Variants in LTF observed in about 807,000 individuals in gnomAD.
The protein encoded by LTF is epididymis luminal protein 110.
LTF carries 91 observed loss-of-function variants against 87.2 expected under a neutral mutation model. The ratio of observed to expected loss-of-function variants is 1.04; its 90% confidence interval spans 0.88 to 1.24. The LOEUF (loss-of-function observed/expected upper bound fraction) is 1.24, where lower values mean the gene tolerates loss of function less well. Ranked by LOEUF, LTF falls within the 50% of genes most tolerant of loss-of-function variation. The pLI is 0.00. For missense variants in LTF, 901 were observed against 904.3 expected, an observed-to-expected ratio of 1.00 and a Z score of 0.05; for synonymous variants, 378 against 356.1, an observed-to-expected ratio of 1.06 and a Z score of -0.69.
chr3:46,446,265 A>T (rs1702651362), intron 11 of LTF, among the ~76,000 whole-genome samples, 175 bp downstream of exon 11: 1 of 152,078 alleles, frequency 6.6e-6, no homozygotes, highest in South Asian at 2.1e-4. Flanking sequence ...GTCAATATAA[A>T]CATTAATTAG....
intron 12 of LTF, among the ~76,000 whole-genome samples, chr3:46,444,379 G>C (rs932578127): frequency 2.0e-5 from 3 of 152,218 alleles, no homozygotes; most frequent in African/African-American, 7.2e-5. Context: ...GGAGTTTTCT[G>C]TTCCTTGCAG....
In LTF at chr3:46,464,880, G is replaced by T; in HGVS notation, c.-13C>A. On this transcript the variant is annotated 5_prime_UTR_variant, in exon 1 of 17. Coordinates refer to ENST00000231751, the MANE Select transcript of LTF (RefSeq NM_002343.6). ...AGACAAGTTTCATGTCTGCGGTCTGGAGGCGACTTGGCAAACGAAGGCTCT... is the reference window on the plus strand; with the variant it reads ...AGACAAGTTTCATGTCTGCGGTCTGTAGGCGACTTGGCAAACGAAGGCTCT... The T allele has an allele frequency of 6.2e-7, 1 of 1,613,998 alleles. No homozygotes were observed. Among genetic ancestry groups the T allele is most frequent in the Non-Finnish European group, 8.5e-7 (1 of 1,179,984 alleles).
intron 1 of LTF, among the ~76,000 whole-genome samples, chr3:46,463,128 G>A (rs1252646970): frequency 1.3e-5 from 2 of 152,148 alleles, no homozygotes; most frequent in Non-Finnish European, 2.9e-5. Context: ...AGCAGGTCTA[G>A]GTCTGGCCCC....
intron 10 of LTF, among the ~76,000 whole-genome samples, chr3:46,447,042 T>C (rs1175040327): frequency 3.3e-5 from 5 of 152,058 alleles, no homozygotes; most frequent in Non-Finnish European, 5.9e-5. Context: ...AGTTGTACAT[T>C]TATGTGCACT....
At chr3:46,454,577 T>C (rs913045930) in intron 5 of LTF, among the ~76,000 whole-genome samples, 5 of 152,202 alleles carry the variant, frequency 3.3e-5, no homozygotes, top group Non-Finnish European at 1.5e-5. Context: ...ATCTTCTGCT[T>C]TGAGGGCTAA....
At chr3:46,461,399 C>T (rs1703077677) in intron 1 of LTF, among the ~76,000 whole-genome samples, 1 of 152,200 alleles carries the variant, frequency 6.6e-6, no homozygotes, top group African/African-American at 2.4e-5. Context: ...AAACTGGAAA[C>T]AACCTAAATG....
chr3:46,463,880 G>A (rs1416296133), intron 1 of LTF, among the ~76,000 whole-genome samples: 3 of 152,218 alleles, frequency 2.0e-5, no homozygotes, highest in Admixed American at 2.0e-4. Flanking sequence ...AGAAGGGCAG[G>A]GACAAGGATG....
rs1272249210 is a variant in LTF, at chr3:46,450,030, T to G, written c.883-2A>C. On this transcript the variant is annotated splice_acceptor_variant, in intron 7 of 16. Coordinates refer to ENST00000231751, the MANE Select transcript of LTF (RefSeq NM_002343.6). LOFTEE classifies it high-confidence loss of function. The stretch of plus-strand genomic sequence containing the variant: ...TGACTTGTCCTTTCCAAACTTTTCC[T>G]AATTAAGAAAAAATAGAATTATGGT... 1.3e-5 allele frequency: 21 copies of G among 1,575,192 alleles called. No individual in the cohort carries two copies. The highest frequency in any genetic ancestry group is 1.7e-5 in the Non-Finnish European group (20 of 1,164,328).
At chr3:46,442,817 C>T (rs1702554894) in intron 13 of LTF, among the ~76,000 whole-genome samples, 1 of 152,180 alleles carries the variant, frequency 6.6e-6, no homozygotes, top group South Asian at 2.1e-4. Flanking sequence ...AGGGGAAGAT[C>T]CTCTCTGCAC....
intron 14 of LTF, 26 bp from the exon 15 acceptor site, chr3:46,439,506 A>C (rs1185825132): frequency 1.2e-5 from 19 of 1,576,714 alleles, no homozygotes; most frequent in Non-Finnish European, 1.6e-5. Flanking sequence ...AGGTGGCATC[A>C]TCCACGCCTC....
At chr3:46,470,434 G>C (rs1703267964) in exon 2 of LTF, 1 of 152,392 alleles carries the variant, frequency 6.6e-6, no homozygotes, top group Non-Finnish European at 1.5e-5. Context: ...AGGCTTCACT[G>C]TGCTGGAGGC....
At position 46,439,468 on chromosome 3, in the gene LTF, T is replaced by C; in HGVS notation, c.1736A>G (p.Glu579Gly). ...CAGCTTCAAATCCTTAGCCCATGCC[T>C]CATTGTTATTTCCTGGGGAGAAAAA... ...VLQNTDGNNN[E>G]AWAKDLKLAD... The change falls in exon 15 of 17, where the codon GAG becomes GGG. Residue 579 changes from glutamate to glycine, a missense_variant. Glu to Gly is a moderately conservative substitution (Grantham distance 98, BLOSUM62 -2). Coordinates refer to ENST00000231751, the MANE Select transcript of LTF (RefSeq NM_002343.6). The C allele has an allele frequency of 6.2e-7, 1 of 1,604,620 alleles. No individual in the cohort carries two copies. The highest frequency in any genetic ancestry group is 8.5e-7 in the Non-Finnish European group (1 of 1,175,316).
chr3:46,435,845 C>A lies in LTF; in HGVS notation c.*350G>T. Reference sequence around the variant, plus strand: ...TCCCCTTAGGAAAACCGGTGCTTGGCCTGGCCTTAAATTCCAGACCCTTGG... The same window carrying A: ...TCCCCTTAGGAAAACCGGTGCTTGGACTGGCCTTAAATTCCAGACCCTTGG... On this transcript the variant is annotated 3_prime_UTR_variant, in exon 17 of 17. Transcript: ENST00000231751. 1 of 312,202 alleles carries A rather than the reference C, an allele frequency of 3.2e-6. No homozygotes were observed. Among genetic ancestry groups the A allele is most frequent in the Non-Finnish European group, 6.0e-6 (1 of 165,626 alleles). The allele number at this position is 312,202 out of a possible 1,614,324, so 19.3% of individuals were successfully genotyped here.
chr3:46,446,132 G>A (rs1407906020), intron 11 of LTF, among the ~76,000 whole-genome samples: 1 of 152,082 alleles, frequency 6.6e-6, no homozygotes, highest in Non-Finnish European at 1.5e-5. Context: ...GTGAGATCCT[G>A]GGCACTTGGG....
rs375439093 is a variant in LTF at position 46,471,651 on chromosome 3, C to T, written c.-319-1185G>A. On this transcript the variant is annotated intron_variant, in intron 1 of 19. Transcript: ENST00000443496. ...AGAAAGGAGCAGGGAGCGGGCCACC[C>T]GATGGCCCCTACCTCGCCCTGTGTA... is the stretch of plus-strand genomic sequence containing the variant. Among the ~76,000 whole-genome samples, 11 of 152,182 alleles carry T rather than the reference C, an allele frequency of 7.2e-5. No homozygotes were observed. The East Asian group carries it at 1.7e-3, about 24-fold the overall frequency.
rs1039219341 is a variant in LTF at position 46,464,874 on chromosome 3, G to A, written c.-7C>T. On this transcript the variant is annotated 5_prime_UTR_variant, in exon 1 of 17. Transcript: ENST00000231751. ...CGAGGAAGACAAGTTTCATGTCTGCGGTCTGGAGGCGACTTGGCAAACGAA... is the reference window on the plus strand; with the variant it reads ...CGAGGAAGACAAGTTTCATGTCTGCAGTCTGGAGGCGACTTGGCAAACGAA... The A allele has an allele frequency of 3.1e-6, 5 of 1,613,838 alleles. No homozygotes were observed. Among genetic ancestry groups the A allele is most frequent in the Non-Finnish European group, 4.2e-6 (5 of 1,179,976 alleles).
At chr3:46,464,770 CA>C in intron 1 of LTF, 54 bp downstream of exon 1, 3 of 1,593,516 alleles carry the variant, frequency 1.9e-6, no homozygotes. Context: ...GCCTAGCAGA[CA>C]GGGCGCAGGA....
rs1438818678 is a variant in LTF, at chr3:46,461,100, C to T, written c.44-1281G>A. On this transcript the variant is annotated intron_variant, in intron 1 of 16. Transcript: ENST00000231751. ...TCAAAAATGCAAATTGAAAATGCAA[C>T]GAAATATCATTTCACAGCCACTGAA... 6.6e-5 allele frequency among the ~76,000 whole-genome samples: 10 copies of T among 152,098 alleles called. No homozygotes were observed. The South Asian group carries it at 1.5e-3, about 22-fold the overall frequency.
intron 9 of LTF, among the ~76,000 whole-genome samples, chr3:46,448,535 A>G (rs748227526): frequency 1.3e-5 from 2 of 152,240 alleles, no homozygotes; most frequent in Non-Finnish European, 2.9e-5. Flanking sequence ...AGAATTAGCC[A>G]GACTTTAACC....
Sources: gnomAD v4.1 joint callset for allele counts (sites outside exome capture counted in the v4.1 genomes callset) on GRCh38, gnomAD v4.1.1 for gene constraint, MANE v1.5 for transcripts, NCBI Gene and HGNC (gene_info 2026-07-23, HGNC 2026-07-21) for gene names.